Variants in DAPK2 observed in about 807,000 individuals in gnomAD.
The protein encoded by DAPK2 is death-associated protein kinase 2.
A neutral mutation model predicts 44.1 loss-of-function variants in DAPK2; 35 were observed. That is an observed-to-expected ratio of 0.79 (90% CI 0.61 to 1.05). DAPK2 has a LOEUF of 1.05. Ranked by LOEUF, DAPK2 falls within the 50% of genes least tolerant of loss-of-function variation. The pLI is 0.00. For synonymous variants in DAPK2, 174 were observed against 182.6 expected (o/e 0.95, Z 0.38); for missense variants, 453 against 483.2 (o/e 0.94, Z 0.59).
At chr15:64,042,973 A>T (rs2080383159), upstream of DAPK2, among the ~76,000 whole-genome samples, 1 of 152,176 alleles carries the variant, frequency 6.6e-6, no homozygotes, top group African/African-American at 2.4e-5. The surrounding 1 kb of genome is among the most constrained non-coding windows in gnomAD (Gnocchi z 4.7). Context: ...GTTCGAGTTG[A>T]TCATATTCTG....
At chr15:64,036,271 ATATGTGTGTGTGTGTGTG>A (rs1472794469) in intron 1 of DAPK2, among the ~76,000 whole-genome samples, 8 of 85,338 alleles carry the variant, frequency 9.4e-5, no homozygotes, top group South Asian at 4.3e-4. Flanking sequence ...AAATATATAT[ATATGTGTGTGTGTGTGTG>A]TGTGTGTGTG....
intron 1 of DAPK2, among the ~76,000 whole-genome samples, chr15:64,008,852 T>C (rs776179144): frequency 6.6e-6 from 1 of 152,188 alleles, no homozygotes; most frequent in Non-Finnish European, 1.5e-5. Context: ...TGCACTGCTG[T>C]CATCCAATCA....
chr15:63,929,676 C>T, intron 5 of DAPK2, 99 bp from the exon 7 acceptor site: 2 of 1,423,316 alleles, frequency 1.4e-6, no homozygotes, highest in Non-Finnish European at 2.0e-6. Flanking sequence ...TCACTTGCCT[C>T]CTCCACAGCA....
At chr15:64,019,292 A>G (rs1393386393) in intron 1 of DAPK2, among the ~76,000 whole-genome samples, 1 of 152,224 alleles carries the variant, frequency 6.6e-6, no homozygotes, top group Non-Finnish European at 1.5e-5. Context: ...AAAATTCTGA[A>G]ATCTTATATG....
At chr15:63,955,488 G>T (rs1363435874) in intron 3 of DAPK2, among the ~76,000 whole-genome samples, 1 of 152,108 alleles carries the variant, frequency 6.6e-6, no homozygotes, top group Non-Finnish European at 1.5e-5. Context: ...GATAATACTG[G>T]CCTCTTAGAA....
At chr15:63,963,873 T>G (rs1567236053) in intron 3 of DAPK2, among the ~76,000 whole-genome samples, 1 of 152,234 alleles carries the variant, frequency 6.6e-6, no homozygotes, top group African/African-American at 2.4e-5. Flanking sequence ...TCCCCTCACT[T>G]TTTAACTTTT....
chr15:63,963,205 C>T (rs898146572), intron 3 of DAPK2, among the ~76,000 whole-genome samples: 3 of 152,136 alleles, frequency 2.0e-5, no homozygotes, highest in Non-Finnish European at 4.4e-5. Context: ...TGGAAAAGCG[C>T]AGTATTAGGG....
intron 3 of DAPK2, among the ~76,000 whole-genome samples, chr15:63,964,131 A>G (rs904443570): frequency 2.6e-5 from 4 of 152,234 alleles, no homozygotes; most frequent in Non-Finnish European, 4.4e-5. Context: ...CTTGTAGGAC[A>G]GGTCTGGTAT....
Position 63,916,634 on chromosome 15 carries a change from C to G in DAPK2, c.859-4437G>C, listed in dbSNP as rs1484970368. ...TGGGAGGCTTGAGGCTCTGCCTCCTCCTAAGTGGGAGGGACAGCTGCAGAA... is the reference window on the plus strand; with the variant it reads ...TGGGAGGCTTGAGGCTCTGCCTCCTGCTAAGTGGGAGGGACAGCTGCAGAA... On this transcript the variant is annotated intron_variant, in intron 8 of 10. Transcript: ENST00000261891. This position sits in a 1 kb window ranked among gnomAD's most constrained non-coding sequence, Gnocchi z 4.7. The G allele has an allele frequency of 1.3e-5, 2 of 152,256 alleles. No homozygotes were observed. The highest frequency in any genetic ancestry group is 1.3e-4 in the Admixed American group (2 of 15,282). The allele number at this position is 152,256 out of a possible 1,614,324, so 9.4% of individuals were successfully genotyped here. A position where few individuals can be genotyped will look rare whatever the true frequency, so the allele number is the denominator to read the frequency against.
At position 63,908,694 on chromosome 15, in the gene DAPK2, A is replaced by G; in HGVS notation, c.1033-94T>C. The stretch of plus-strand genomic sequence containing the variant: ...GGGCAACCTGGGTTGATTCACCTGG[A>G]CCACGGGACTACAAGCCAGGGAGGT... On this transcript the variant is annotated intron_variant, in intron 10 of 10. Coordinates refer to ENST00000261891, the Ensembl canonical transcript of DAPK2. This position sits in a 1 kb window ranked among gnomAD's most constrained non-coding sequence, Gnocchi z 5.7. The G allele has an allele frequency of 9.8e-7, 1 of 1,020,644 alleles. No individual in the cohort carries two copies. The allele number at this position is 1,020,644 out of a possible 1,614,324, so 63.2% of individuals were successfully genotyped here.
intron 3 of DAPK2, among the ~76,000 whole-genome samples, chr15:63,941,223 C>T (rs1408981548): frequency 1.3e-5 from 2 of 152,200 alleles, no homozygotes. Context: ...CTAACTCAAC[C>T]CACTGTGTTC....
intron 10 of DAPK2, chr15:63,910,916 G>C (rs1197546772): frequency 1.3e-5 from 2 of 152,204 alleles, no homozygotes; most frequent in Middle Eastern, 3.2e-3. Context: ...TACATGCCAG[G>C]CTTTAAGAAT....
chr15:63,994,623 T>G (rs2078904899), intron 1 of DAPK2, among the ~76,000 whole-genome samples: 1 of 142,398 alleles, frequency 7.0e-6, no homozygotes, highest in Non-Finnish European at 1.5e-5. Context: ...GTAGTCTCCC[T>G]CTGTCGCCCA....
At chr15:63,920,083 T>G (rs2079030507) in intron 8 of DAPK2, 1 of 152,168 alleles carries the variant, frequency 6.6e-6, no homozygotes, top group South Asian at 2.1e-4. Context: ...ATCTCTGAAG[T>G]CAGGAGGCAT....
chr15:63,921,208 G>A (rs905617726), intron 8 of DAPK2: 2 of 152,228 alleles, frequency 1.3e-5, no homozygotes, highest in African/African-American at 4.8e-5. Context: ...ATTTATAAAT[G>A]GATGGATGAA....
rs528280621 is a variant in DAPK2 at position 63,922,162 on chromosome 15, A to T, written c.858+2654T>A. 3.5e-5 allele frequency: 12 copies of T among 338,044 alleles called. No individual in the cohort carries two copies. The South Asian group carries it at 1.3e-3, about 37-fold the overall frequency. 20.9% of individuals were successfully genotyped at this position (338,044 alleles called of 1,614,324 possible). A position where few individuals can be genotyped will look rare whatever the true frequency, so the allele number is the denominator to read the frequency against. ...TGTAAATAATAATAATAATAATGCC[A>T]CCCACCTTCCTATCTCACTGAGTTC... On this transcript the variant is annotated intron_variant, in intron 8 of 10. Transcript: ENST00000261891.
chr15:63,969,751 A>G (rs1478321746), intron 3 of DAPK2, among the ~76,000 whole-genome samples: 1 of 152,092 alleles, frequency 6.6e-6, no homozygotes, highest in Non-Finnish European at 1.5e-5. Flanking sequence ...TAAAAAAAAA[A>G]AAAAAGTGAC....
upstream of DAPK2, among the ~76,000 whole-genome samples, chr15:64,040,768 G>A (rs142812939): frequency 4.5e-4 from 69 of 151,918 alleles, 1 homozygote; most frequent in African/African-American, 1.6e-3. Context: ...AAAATTAGCC[G>A]GGTACGGTGG....
chr15:63,926,603 C>A (rs867581976), intron 6 of DAPK2, among the ~76,000 whole-genome samples: 1 of 150,728 alleles, frequency 6.6e-6, no homozygotes, highest in East Asian at 1.9e-4. Context: ...CCATTAGGGA[C>A]AAGAAGGGTC....
Sources: allele counts gnomAD v4.1 joint callset (sites outside exome capture counted in the v4.1 genomes callset), GRCh38; gene constraint gnomAD v4.1.1; non-coding constraint Gnocchi (gnomAD v3.1); transcripts MANE v1.5; gene names NCBI Gene and HGNC (gene_info 2026-07-23, HGNC 2026-07-21).